IKBIP: variants seen among roughly 807,000 people sequenced by gnomAD.
IKBIP encodes the protein inhibitor of nuclear factor kappa-B kinase-interacting protein.
In IKBIP, 28 loss-of-function variants were observed where a neutral mutation model predicts 31.0. The observed-to-expected ratio is 0.90, with a 90% CI of 0.67 to 1.24. The LOEUF (loss-of-function observed/expected upper bound fraction) is 1.24, where lower values mean the gene tolerates loss of function less well. Among genes scored for constraint, IKBIP ranks in the 50% most tolerant of loss-of-function variants. IKBIP has a pLI of 0.00. For missense variants in IKBIP, 453 were observed against 441.9 expected (o/e 1.03, Z -0.23); for synonymous variants, 164 against 160.3 (o/e 1.02, Z -0.17).
At chr12:98,638,597 T>G (rs539863025) in intron 1 of IKBIP, among the ~76,000 whole-genome samples, 22 of 151,832 alleles carry the variant, frequency 1.4e-4, no homozygotes, top group Middle Eastern at 6.8e-3. Flanking sequence ...GGTTGTAGTT[T>G]GTTTTTCGAC....
Position 98,637,201 on chromosome 12 carries a change from T to C in IKBIP, c.180-2788A>G, listed in dbSNP as rs895851221. On this transcript the variant is annotated intron_variant, in intron 1 of 2. Coordinates refer to ENST00000299157, the MANE Select transcript of IKBIP (RefSeq NM_153687.4). ...TTTTTTGATTAGCCTCTTACTAAAATAAAAAAAAATTCATCCTTGCTACAT... is the reference window on the plus strand; with the variant it reads ...TTTTTTGATTAGCCTCTTACTAAAACAAAAAAAAATTCATCCTTGCTACAT... Among the ~76,000 whole-genome samples the C allele has an allele frequency of 6.7e-4, 101 of 151,368 alleles. 1 individual carries two copies. Among genetic ancestry groups the C allele is most frequent in the South Asian group, 2.1e-4 (1 of 4,808 alleles).
chr12:98,629,324 T>C (rs2097617765), intron 2 of IKBIP, among the ~76,000 whole-genome samples: 2 of 152,218 alleles, frequency 1.3e-5, no homozygotes, highest in South Asian at 2.1e-4. Flanking sequence ...AAGGACTGCT[T>C]GAGCCTAGGA....
chr12:98,619,956 T>C (rs1365423827), downstream of IKBIP, among the ~76,000 whole-genome samples: 1 of 151,320 alleles, frequency 6.6e-6, no homozygotes, highest in Non-Finnish European at 1.5e-5. Context: ...TCTCACTCTA[T>C]TGCCCAGGCT....
At chr12:98,642,245 T>A (rs1371739204) in intron 1 of IKBIP, among the ~76,000 whole-genome samples, 1 of 152,150 alleles carries the variant, frequency 6.6e-6, no homozygotes, top group African/African-American at 2.4e-5. Context: ...CACTGCAACC[T>A]CCACCTCCCA....
chr12:98,613,816 C>G, exon 3 of IKBIP: 2 of 1,610,338 alleles, frequency 1.2e-6, no homozygotes. Context: ...TTGCAAAAGT[C>G]ACTGTCTTCA....
rs766449582 is a variant in IKBIP at position 98,626,055 on chromosome 12, T to C, written c.1009A>G (p.Met337Val). The change falls in exon 3 of 3, where the codon ATG becomes GTG. Residue 337 changes from methionine to valine, a missense_variant. Met to Val is a conservative substitution (Grantham distance 21). Transcript: ENST00000299157. ...GIQYDNSILK[M>V]QNELDILKEK... Reference sequence around the variant, plus strand: ...TTTAGAATATCCAGTTCATTTTGCATCTTTAATATGCTATTATCATACTGA... The same window carrying C: ...TTTAGAATATCCAGTTCATTTTGCACCTTTAATATGCTATTATCATACTGA... 3.1e-6 allele frequency: 5 copies of C among 1,590,270 alleles called. No individual in the cohort carries two copies. The highest frequency in any genetic ancestry group is 1.4e-5 in the African/African-American group (1 of 74,044).
At chr12:98,618,592 C>T (rs1020391864) in intron 2 of IKBIP, among the ~76,000 whole-genome samples, 6 of 150,942 alleles carry the variant, frequency 4.0e-5, no homozygotes, top group Admixed American at 6.6e-5. Context: ...TGCCACTGCA[C>T]TCCAGCCTGG....
intron 2 of IKBIP, among the ~76,000 whole-genome samples, chr12:98,632,512 AATAT>A (rs71436924): frequency 0.029 from 671 of 22,766 alleles, 15 homozygotes; most frequent in Middle Eastern, 0.12. Flanking sequence ...AAAAAAAAAA[AATAT>A]ATATATATAT....
chr12:98,619,166 C>T (rs192079623), intron 2 of IKBIP, among the ~76,000 whole-genome samples: 13 of 152,158 alleles, frequency 8.5e-5, no homozygotes, highest in African/African-American at 1.9e-4. Context: ...GGAAGGAAAC[C>T]AAGAAGTGAT....
intron 2 of IKBIP, among the ~76,000 whole-genome samples, chr12:98,617,496 G>A (rs1355210630): frequency 6.6e-6 from 1 of 152,180 alleles, no homozygotes; most frequent in Admixed American, 6.5e-5. Flanking sequence ...CAGTGTTGGG[G>A]AGTTGAGTAT....
chr12:98,633,510 C>CTTTTTTTTTTTTTTTT (rs71432181), intron 2 of IKBIP, among the ~76,000 whole-genome samples: 10 of 61,372 alleles, frequency 1.6e-4, no homozygotes, highest in African/African-American at 4.1e-4. Context: ...TTTTTTAATT[C>CTTTTTTTTTTTTTTTT]TTTTTTTTTT....
downstream of IKBIP, among the ~76,000 whole-genome samples, chr12:98,620,600 C>T (rs564482607): frequency 1.3e-4 from 20 of 151,164 alleles, no homozygotes; most frequent in African/African-American, 3.2e-4. Flanking sequence ...CTCCTGACCT[C>T]GTGATCCACC....
At position 98,644,722 on chromosome 12, in the gene IKBIP, C is replaced by G. The variant is rs753672795; in HGVS notation, c.-21G>C. 6.3e-7 allele frequency: 1 copy of G among 1,595,896 alleles called. No individual in the cohort carries two copies. Among genetic ancestry groups the G allele is most frequent in the Non-Finnish European group, 8.5e-7 (1 of 1,174,558 alleles). ...GACATGTCTGGAGACCCTAGGACGA[C>G]AAGCCCAGGGCAGCTTCTTCACCAG... On this transcript the variant is annotated 5_prime_UTR_variant, in exon 1 of 3. Transcript: ENST00000299157.
At chr12:98,627,904 G>A (rs895586167) in intron 2 of IKBIP, among the ~76,000 whole-genome samples, 3 of 152,100 alleles carry the variant, frequency 2.0e-5, no homozygotes, top group Non-Finnish European at 1.5e-5. Context: ...AGATACAAAG[G>A]CAACAATGAA....
At chr12:98,614,289 C>G (rs1260359738) in exon 3 of IKBIP, 1 of 1,601,006 alleles carries the variant, frequency 6.2e-7, no homozygotes. Context: ...TTTAGATGAG[C>G]AATTATTTGA....
At chr12:98,613,744 T>A in exon 3 of IKBIP, 1 of 1,612,696 alleles carries the variant, frequency 6.2e-7, no homozygotes, top group Non-Finnish European at 8.5e-7. Context: ...TTAAATCATT[T>A]ACTAATGGTT....
rs116923043 is a variant in IKBIP at position 98,637,121 on chromosome 12, T to A, written c.180-2708A>T. On this transcript the variant is annotated intron_variant, in intron 1 of 2. Coordinates refer to ENST00000299157, the MANE Select transcript of IKBIP (RefSeq NM_153687.4). Reference sequence around the variant, plus strand: ...CAGAACTTCTTTTCAAATTCAAGCTTTAAACACAACCTGTGTCATGTTAGT... The same window carrying A: ...CAGAACTTCTTTTCAAATTCAAGCTATAAACACAACCTGTGTCATGTTAGT... Among the ~76,000 whole-genome samples, 62 of 152,302 alleles carry A rather than the reference T, an allele frequency of 4.1e-4. No individual in the cohort carries two copies. The East Asian group carries it at 0.01, about 25-fold the overall frequency.
intron 2 of IKBIP, among the ~76,000 whole-genome samples, chr12:98,628,214 T>C (rs1344689152): frequency 6.6e-6 from 1 of 152,248 alleles, no homozygotes; most frequent in African/African-American, 2.4e-5. Flanking sequence ...GTATATGCAC[T>C]ATGACAGGTG....
intron 1 of IKBIP, among the ~76,000 whole-genome samples, chr12:98,641,918 G>A (rs1201245011): frequency 2.0e-5 from 3 of 152,158 alleles, no homozygotes; most frequent in African/African-American, 4.8e-5. Flanking sequence ...GTTTCCCAAA[G>A]TGTTGGGATT....
Sources: allele counts gnomAD v4.1 joint callset (sites outside exome capture counted in the v4.1 genomes callset), GRCh38; gene constraint gnomAD v4.1.1; transcripts MANE v1.5; gene names NCBI Gene and HGNC (gene_info 2026-07-23, HGNC 2026-07-21).